MATCAP2: variants seen among roughly 807,000 people sequenced by gnomAD.
MATCAP2 encodes putative tyrosine carboxypeptidase MATCAP2.
the MATCAP2 span, among the ~76,000 whole-genome samples, chr7:36,371,724 C>T: frequency 6.6e-6 from 1 of 152,030 alleles, no homozygotes; most frequent in East Asian, 1.9e-4. Context: ...AGTGTTGCTA[C>T]TGGAAGAAAA....
the MATCAP2 span, among the ~76,000 whole-genome samples, chr7:36,333,145 G>C: frequency 6.6e-6 from 1 of 152,180 alleles, no homozygotes; most frequent in Non-Finnish European, 1.5e-5. Context: ...CCAGCACAGT[G>C]CTCGAGCTTT....
chr7:36,383,630 A>G, the MATCAP2 span, among the ~76,000 whole-genome samples: 1 of 152,176 alleles, frequency 6.6e-6, no homozygotes, highest in South Asian at 2.1e-4. Flanking sequence ...GCATGGACAC[A>G]GGGAGGGGAA....
chr7:36,373,240 AC>A, the MATCAP2 span, among the ~76,000 whole-genome samples: 1 of 152,202 alleles, frequency 6.6e-6, no homozygotes, highest in African/African-American at 2.4e-5. Context: ...GGAGAAAAAA[AC>A]AACAACCAAG....
the MATCAP2 span, chr7:36,355,874 A>G: frequency 1.3e-5 from 2 of 152,236 alleles, no homozygotes; most frequent in African/African-American, 2.4e-5. Flanking sequence ...GATAAACATT[A>G]GCTAATTTCT....
At chr7:36,359,479 A>T in the MATCAP2 span, among the ~76,000 whole-genome samples, 2 of 152,354 alleles carry the variant, frequency 1.3e-5, no homozygotes, top group East Asian at 3.9e-4. Context: ...GGTATTTAAA[A>T]GTCCTTTTAC....
At chr7:36,382,135 A>C in the MATCAP2 span, among the ~76,000 whole-genome samples, 1 of 151,574 alleles carries the variant, frequency 6.6e-6, no homozygotes, top group South Asian at 2.1e-4. Context: ...TCCACTAAAA[A>C]AAAAACAATA....
the MATCAP2 span, among the ~76,000 whole-genome samples, chr7:36,345,936 A>C: frequency 6.6e-6 from 1 of 152,212 alleles, no homozygotes; most frequent in Non-Finnish European, 1.5e-5. Context: ...TGCAAATTTC[A>C]TATCTGATAT....
At chr7:36,336,310 G>C in the MATCAP2 span, 2 of 1,496,410 alleles carry the variant, frequency 1.3e-6, no homozygotes, top group East Asian at 4.9e-5. Context: ...GTAAAAGAAA[G>C]AGAGATAATG....
chr7:36,345,877 G>A, the MATCAP2 span, among the ~76,000 whole-genome samples: 1 of 152,030 alleles, frequency 6.6e-6, no homozygotes, highest in South Asian at 2.1e-4. Flanking sequence ...TGCTTCTAAG[G>A]ATACTATCAT....
At chr7:36,385,361 A>C in the MATCAP2 span, among the ~76,000 whole-genome samples, 1 of 152,250 alleles carries the variant, frequency 6.6e-6, no homozygotes, top group African/African-American at 2.4e-5. Context: ...ACAATGAGGC[A>C]AAATAATCCA....
chr7:36,369,723 G>A, the MATCAP2 span, among the ~76,000 whole-genome samples: 58 of 152,146 alleles, frequency 3.8e-4, 1 homozygote, highest in South Asian at 0.011. Context: ...CTATCCTCAA[G>A]GACAGTCCTG....
the MATCAP2 span, among the ~76,000 whole-genome samples, chr7:36,358,176 T>C: frequency 6.6e-6 from 1 of 151,672 alleles, no homozygotes; most frequent in East Asian, 1.9e-4. Flanking sequence ...CCAGCCTGGG[T>C]GACAGAGTGA....
the MATCAP2 span, among the ~76,000 whole-genome samples, chr7:36,338,990 A>G: frequency 3.3e-5 from 5 of 152,192 alleles, no homozygotes; most frequent in African/African-American, 1.2e-4. Context: ...CATTCCTCAC[A>G]TGTATTGATT....
chr7:36,383,755 A>G, the MATCAP2 span: 5 of 682,916 alleles, frequency 7.3e-6, no homozygotes, highest in African/African-American at 9.4e-5. Flanking sequence ...TGGCACGTGT[A>G]TGCCTATGTA....
chr7:36,371,576 TTTTGAAAAAAAGATCA>T, the MATCAP2 span, among the ~76,000 whole-genome samples: 2 of 152,100 alleles, frequency 1.3e-5, no homozygotes, highest in Non-Finnish European at 2.9e-5. Context: ...TCATTTTCTT[TTTTGAAAAAAAGATCA>T]ACATCCTGCT....
the MATCAP2 span, among the ~76,000 whole-genome samples, chr7:36,365,254 G>C: frequency 6.6e-6 from 1 of 152,188 alleles, no homozygotes; most frequent in Non-Finnish European, 1.5e-5. Flanking sequence ...CACTGTGACA[G>C]AATCTATATT....
the MATCAP2 span, among the ~76,000 whole-genome samples, chr7:36,373,417 T>C: frequency 2.6e-5 from 4 of 151,646 alleles, no homozygotes; most frequent in South Asian, 8.3e-4. Context: ...AGAATAAGAG[T>C]CGGAATTTTT....
At chr7:36,376,671 G>C in the MATCAP2 span, among the ~76,000 whole-genome samples, 1 of 152,236 alleles carries the variant, frequency 6.6e-6, no homozygotes, top group South Asian at 2.1e-4. Context: ...TCGTTGATCT[G>C]TCTAATATTG....
the MATCAP2 span, among the ~76,000 whole-genome samples, chr7:36,377,880 C>T: frequency 4.6e-5 from 7 of 152,128 alleles, no homozygotes; most frequent in African/African-American, 7.2e-5. Context: ...TCCTTTCTTC[C>T]ACTTGATCGA....
Sources: allele counts gnomAD v4.1 joint callset (sites outside exome capture counted in the v4.1 genomes callset), GRCh38; gene constraint gnomAD v4.1.1; transcripts MANE v1.5; gene names NCBI Gene and HGNC (gene_info 2026-07-23, HGNC 2026-07-21).